Variants in GLI2 observed in about 807,000 individuals in gnomAD.
GLI2 encodes transcription activator GLI2.
A neutral mutation model predicts 78.9 loss-of-function variants in GLI2; 22 were observed. The ratio of observed to expected loss-of-function variants is 0.28; its 90% CI spans 0.20 to 0.40. GLI2 has a LOEUF of 0.40. Among genes scored for constraint, GLI2 ranks in the 10% least tolerant of loss-of-function variants. The pLI is 1.00. For missense variants in GLI2, 2,097 were observed against 2,213.2 expected (o/e 0.95, Z 1.05); for synonymous variants, 974 against 963.7 (o/e 1.01, Z -0.20).
rs72835567 is a variant in GLI2, at chr2:120,838,304, C to A, written c.148+40836C>A. Among the ~76,000 whole-genome samples the A allele has an allele frequency of 5.0e-3, 765 of 152,124 alleles. 3 individuals carry two copies. The highest frequency in any genetic ancestry group is 6.9e-3 in the Non-Finnish European group (467 of 67,982). Reference sequence around the variant, plus strand: ...TGTTTAAAAATTACAGTTTCTAGTTCATTATTGCTGGCATCTAGGCATGTA... The same window carrying A: ...TGTTTAAAAATTACAGTTTCTAGTTAATTATTGCTGGCATCTAGGCATGTA... On this transcript the variant is annotated intron_variant, in intron 2 of 13. Coordinates refer to ENST00000361492, the MANE Select transcript of GLI2 (RefSeq NM_001374353.1).
chr2:120,823,160 G>C (rs558293070), intron 2 of GLI2, among the ~76,000 whole-genome samples: 34 of 152,328 alleles, frequency 2.2e-4, no homozygotes, highest in Non-Finnish European at 4.3e-4. Context: ...TTGGTATGCC[G>C]TTTGGTCCCG....
Position 120,978,512 on chromosome 2 carries a change from C to T in GLI2, c.1396C>T (p.Pro466Ser). Residue 466 changes from proline (P) to serine (S), a missense_variant, in exon 10 of 14, where the codon CCC (proline) becomes TCC (serine). Pro to Ser is a moderately conservative substitution (Grantham distance 74, BLOSUM62 -1). This residue lies in a region of GLI2 where 104 missense variants were observed against 190.6 expected (regional missense o/e 0.55). Coordinates refer to ENST00000361492, the MANE Select transcript of GLI2 (RefSeq NM_001374353.1). Reference sequence around the variant, plus strand: ...GCAGGCCTGCACGCGGGAGCAGAAGCCCTTCAAGGCGCAGTACATGCTGGT... The same window carrying T: ...GCAGGCCTGCACGCGGGAGCAGAAGTCCTTCAAGGCGCAGTACATGCTGGT... ...RWQACTREQK[P>S]FKAQYMLVVH... The T allele has an allele frequency of 6.2e-7, 1 of 1,614,140 alleles. No homozygotes were observed.
chr2:120,973,389 C>G (rs910044315), intron 8 of GLI2, among the ~76,000 whole-genome samples: 1 of 152,350 alleles, frequency 6.6e-6, no homozygotes, highest in African/African-American at 2.4e-5. Context: ...GCCCTATGCC[C>G]GCCCTCCAAC....
At chr2:120,756,711 A>T (rs1318224177) in intron 1 of GLI2, among the ~76,000 whole-genome samples, 1 of 152,208 alleles carries the variant, frequency 6.6e-6, no homozygotes, top group African/African-American at 2.4e-5. Flanking sequence ...TAGGATTGTC[A>T]TGGTATCAGA....
chr2:120,871,285 G>T (rs2104675988), intron 2 of GLI2, among the ~76,000 whole-genome samples: 1 of 145,124 alleles, frequency 6.9e-6, no homozygotes, highest in South Asian at 2.2e-4. Context: ...AGATAGGGCT[G>T]TACTTCCCTG....
At chr2:120,920,503 C>T (rs1573602322) in intron 2 of GLI2, among the ~76,000 whole-genome samples, 1 of 152,260 alleles carries the variant, frequency 6.6e-6, no homozygotes, top group African/African-American at 2.4e-5. Context: ...TGCCCCCTCA[C>T]TGCCCTCCTC....
chr2:120,986,762 G>A (rs1481533579), intron 13 of GLI2, 148 bp downstream of exon 13: 2 of 668,882 alleles, frequency 3.0e-6, no homozygotes, highest in African/African-American at 1.8e-5. Flanking sequence ...CTGAGGCTCA[G>A]AGAGGTGAAA....
chr2:120,956,720 G>C (rs1681282422), intron 5 of GLI2, among the ~76,000 whole-genome samples: 1 of 152,094 alleles, frequency 6.6e-6, no homozygotes, highest in South Asian at 2.1e-4. Flanking sequence ...GGAGACAGGA[G>C]CCTGCAGGGA....
intron 5 of GLI2, among the ~76,000 whole-genome samples, chr2:120,959,764 G>A (rs934696581): frequency 1.3e-4 from 20 of 152,156 alleles, no homozygotes; most frequent in Admixed American, 3.3e-4. Context: ...AGTCCCTCCC[G>A]GAAAGCTCCA....
intron 4 of GLI2, 63 bp downstream of exon 4, chr2:120,951,508 C>T: frequency 9.3e-7 from 1 of 1,080,818 alleles, no homozygotes; most frequent in Non-Finnish European, 1.4e-6. Context: ...CAGCCAGCCT[C>T]TCTCACGCTA....
At chr2:120,873,354 A>G (rs1336799680) in intron 2 of GLI2, among the ~76,000 whole-genome samples, 1 of 152,260 alleles carries the variant, frequency 6.6e-6, no homozygotes, top group Admixed American at 6.5e-5. Context: ...TAATAGACCC[A>G]TTTCATGTTA....
intron 9 of GLI2, among the ~76,000 whole-genome samples, chr2:120,976,842 C>G (rs1019909299): frequency 4.6e-5 from 7 of 152,244 alleles, no homozygotes; most frequent in Non-Finnish European, 1.5e-5. Context: ...CTCTCTGTTT[C>G]TCTCTGCTCC....
At chr2:120,837,911 A>G (rs1409631334) in intron 2 of GLI2, among the ~76,000 whole-genome samples, 2 of 152,182 alleles carry the variant, frequency 1.3e-5, no homozygotes, top group Non-Finnish European at 2.9e-5. Context: ...TCTGTTAAGC[A>G]TGGCAGGGAA....
chr2:120,969,661 A>G (rs957100461), intron 6 of GLI2, among the ~76,000 whole-genome samples: 7 of 152,244 alleles, frequency 4.6e-5, no homozygotes, highest in Non-Finnish European at 7.3e-5. Flanking sequence ...GGCCACAGTC[A>G]AGCTGTCAGC....
At chr2:120,750,685 T>A (rs1398307580) in intron 1 of GLI2, among the ~76,000 whole-genome samples, 1 of 152,210 alleles carries the variant, frequency 6.6e-6, no homozygotes, top group Non-Finnish European at 1.5e-5. Flanking sequence ...TCATTCTCAT[T>A]TAGCACGCGC....
intron 3 of GLI2, among the ~76,000 whole-genome samples, chr2:120,946,207 C>T (rs1173011201): frequency 6.6e-6 from 1 of 152,174 alleles, no homozygotes; most frequent in East Asian, 1.9e-4. Flanking sequence ...CTGCCTCTTT[C>T]CCCCTGGGCT....
chr2:120,818,160 A>G (rs571567716), intron 2 of GLI2, among the ~76,000 whole-genome samples: 4 of 152,192 alleles, frequency 2.6e-5, no homozygotes, highest in African/African-American at 9.6e-5. Flanking sequence ...TGGTGGGAGG[A>G]GCTGGAGAGC....
intron 2 of GLI2, among the ~76,000 whole-genome samples, chr2:120,915,690 TG>T (rs1217663802): frequency 2.0e-5 from 3 of 152,146 alleles, no homozygotes. Context: ...GGCTGGCCTT[TG>T]AAAGTGTCAG....
chr2:120,751,382 TA>T (rs1573341109), intron 1 of GLI2, among the ~76,000 whole-genome samples: 1 of 152,238 alleles, frequency 6.6e-6, no homozygotes, highest in South Asian at 2.1e-4. Context: ...TTGTATGGTT[TA>T]CAGTTTTGCA....
Sources: gnomAD v4.1 joint callset for allele counts (sites outside exome capture counted in the v4.1 genomes callset) on GRCh38, gnomAD v4.1.1 for gene constraint, gnomAD v4.1.1 regional missense constraint, MANE v1.5 for transcripts, NCBI Gene and HGNC (gene_info 2026-07-23, HGNC 2026-07-21) for gene names.